Variants in TAMM41 observed in about 807,000 individuals in gnomAD.
TAMM41 encodes phosphatidate cytidylyltransferase, mitochondrial.
In TAMM41, 36 loss-of-function variants were observed where a neutral mutation model predicts 44.1. The ratio of observed to expected loss-of-function variants is 0.82; its 90% confidence interval spans 0.63 to 1.08. The LOEUF is 1.08. Ranked by LOEUF, TAMM41 falls within the 50% of genes least tolerant of loss-of-function variation. The probability of loss-of-function intolerance (pLI) is 0.00; values close to 1 mark genes in which losing one functional copy is unlikely to be tolerated. For synonymous variants in TAMM41, 164 were observed against 153.1 expected (o/e 1.07, Z -0.53); for missense variants, 417 against 404.3 (o/e 1.03, Z -0.27).
chr3:11,765,370 G>T, the TAMM41 span, among the ~76,000 whole-genome samples: 3 of 152,052 alleles, frequency 2.0e-5, no homozygotes, highest in African/African-American at 7.2e-5. Flanking sequence ...CATGAATCAG[G>T]AATTCATGTA....
chr3:11,729,807 A>AGGAAGGAGGGAG, the TAMM41 span, among the ~76,000 whole-genome samples: 2 of 151,900 alleles, frequency 1.3e-5, no homozygotes, highest in African/African-American at 4.8e-5. Context: ...GAAGGAAGGA[A>AGGAAGGAGGGAG]GGAAGGAGGG....
At chr3:11,827,433 G>T (rs1305424511) in intron 4 of TAMM41, among the ~76,000 whole-genome samples, 7 of 150,800 alleles carry the variant, frequency 4.6e-5, no homozygotes, top group Admixed American at 1.3e-4. Flanking sequence ...CCTCAACCTC[G>T]CAAGTAGCTG....
intron 5 of TAMM41, among the ~76,000 whole-genome samples, chr3:11,813,860 G>GTGTGTGTGTA (rs1276315474): frequency 2.0e-5 from 3 of 147,718 alleles, no homozygotes; most frequent in Non-Finnish European, 3.0e-5. Flanking sequence ...GTGTGTGTAT[G>GTGTGTGTGTA]TATGTATATA....
At chr3:11,815,830 A>G (rs1559289823) in intron 5 of TAMM41, among the ~76,000 whole-genome samples, 1 of 152,220 alleles carries the variant, frequency 6.6e-6, no homozygotes, top group Admixed American at 6.5e-5. Context: ...ATGGAGGTGA[A>G]TATCAGAAGA....
At chr3:11,843,695 A>G (rs1348176546) in intron 2 of TAMM41, 2 of 203,808 alleles carry the variant, frequency 9.8e-6, no homozygotes, top group African/African-American at 4.6e-5. Context: ...CAGCCTGGGC[A>G]ACAAGAGCAA....
intron 3 of TAMM41, among the ~76,000 whole-genome samples, chr3:11,837,021 A>T (rs2079208470): frequency 6.6e-6 from 1 of 152,242 alleles, no homozygotes; most frequent in African/African-American, 2.4e-5. Flanking sequence ...AAATTTGTCC[A>T]TGTGTATACC....
At chr3:11,760,415 A>G in the TAMM41 span, among the ~76,000 whole-genome samples, 1 of 152,072 alleles carries the variant, frequency 6.6e-6, no homozygotes, top group Non-Finnish European at 1.5e-5. Context: ...TTTATTTTTC[A>G]TTTTTAGCAT....
At chr3:11,834,017 T>A (rs2079080803) in intron 3 of TAMM41, among the ~76,000 whole-genome samples, 1 of 152,016 alleles carries the variant, frequency 6.6e-6, no homozygotes, top group African/African-American at 2.4e-5. Context: ...TTGAGGCAGG[T>A]GGATCCCTTC....
At position 11,808,732 on chromosome 3, in the gene TAMM41, G is replaced by C. The variant is rs373856738; in HGVS notation, c.874+785C>G. 5.1e-5 allele frequency: 33 copies of C among 640,818 alleles called. No homozygotes were observed. The African/African-American group carries it at 6.4e-4, about 12-fold the overall frequency. The allele number at this position is 640,818 out of a possible 1,614,324, so 39.7% of individuals were successfully genotyped here. ...AGATAAGGTTCAGGCTCTTTTTTTT[G>C]TTTGTTTTTTAAGAGATACGGGCTG... On this transcript the variant is annotated intron_variant, in intron 6 of 7. Coordinates refer to ENST00000455809, the MANE Select transcript of TAMM41 (RefSeq NM_001284401.2).
At chr3:11,745,705 G>C in the TAMM41 span, among the ~76,000 whole-genome samples, 3 of 152,284 alleles carry the variant, frequency 2.0e-5, no homozygotes, top group East Asian at 5.8e-4. Flanking sequence ...TCATTTAATG[G>C]GTACAGAGTT....
At chr3:11,746,340 A>C in the TAMM41 span, among the ~76,000 whole-genome samples, 1 of 151,716 alleles carries the variant, frequency 6.6e-6, no homozygotes, top group Middle Eastern at 3.2e-3. Context: ...TGCACTTACC[A>C]TATGACGCCA....
At chr3:11,819,722 C>G (rs1335227787) in intron 4 of TAMM41, among the ~76,000 whole-genome samples, 1 of 152,014 alleles carries the variant, frequency 6.6e-6, no homozygotes, top group South Asian at 2.1e-4. Context: ...TAGCGAGACT[C>G]TGTCTCTATG....
chr3:11,776,677 T>G, the TAMM41 span, among the ~76,000 whole-genome samples: 1 of 152,164 alleles, frequency 6.6e-6, no homozygotes, highest in Middle Eastern at 3.2e-3. Flanking sequence ...ACAACGCATT[T>G]CTCAGAGGGT....
chr3:11,821,496 T>C (rs1458568623), intron 4 of TAMM41, among the ~76,000 whole-genome samples: 6 of 152,312 alleles, frequency 3.9e-5, no homozygotes, highest in Admixed American at 6.5e-5. Context: ...CAGGCAGTAA[T>C]GCAAGTGATG....
chr3:11,725,382 TCC>T, the TAMM41 span, among the ~76,000 whole-genome samples: 1,814 of 144,004 alleles, frequency 0.013, 25 homozygotes, highest in Non-Finnish European at 0.017. Flanking sequence ...CTCCTCTTCC[TCC>T]TCCTTCTTTT....
chr3:11,771,051 A>G, the TAMM41 span, among the ~76,000 whole-genome samples: 3 of 150,380 alleles, frequency 2.0e-5, no homozygotes, highest in African/African-American at 7.4e-5. Flanking sequence ...TAGGCTTAGG[A>G]CCCAGGTCCC....
chr3:11,811,863 T>A (rs1302544960), intron 5 of TAMM41, among the ~76,000 whole-genome samples: 1 of 152,170 alleles, frequency 6.6e-6, no homozygotes, highest in African/African-American at 2.4e-5. Flanking sequence ...GCTGTGCAGC[T>A]CTGTGACTAT....
rs1575734038 is a variant in TAMM41 at position 11,843,881 on chromosome 3, T to C, written c.318+148A>G. ...TTCCTGACTATAAGAATATACATAC[T>C]ATAAAAACATACATATTTCCCGACT... is the stretch of plus-strand genomic sequence containing the variant. On this transcript the variant is annotated intron_variant, in intron 2 of 7. Transcript: ENST00000455809. The C allele has an allele frequency of 7.6e-6, 6 of 786,274 alleles. No individual in the cohort carries two copies. The Middle Eastern group carries it at 1.2e-3, about 155-fold the overall frequency. The allele number at this position is 786,274 out of a possible 1,614,324, so 48.7% of individuals were successfully genotyped here.
Position 11,829,709 on chromosome 3 carries a change from C to T in TAMM41, c.562+5G>A. On this transcript the variant is annotated splice_donor_5th_base_variant and intron_variant, in intron 4 of 7. Transcript: ENST00000455809. ...GTAGAACATCTGGGCAGCAACCATA[C>T]TAACCTGAATAGGAGAGACCGGCAA... 1.9e-6 allele frequency: 3 copies of T among 1,614,030 alleles called. No homozygotes were observed. Among genetic ancestry groups the T allele is most frequent in the Non-Finnish European group, 2.5e-6 (3 of 1,179,938 alleles).
Sources: allele counts gnomAD v4.1 joint callset (sites outside exome capture counted in the v4.1 genomes callset), GRCh38; gene constraint gnomAD v4.1.1; transcripts MANE v1.5; gene names NCBI Gene and HGNC (gene_info 2026-07-23, HGNC 2026-07-21).